The following COL25A1 variants were observed in gnomAD, a reference collection of about 807,000 sequenced individuals.
The protein encoded by COL25A1 is collagen alpha-1(XXV) chain.
COL25A1 carries 103 observed loss-of-function variants against 128.4 expected under a neutral mutation model. The ratio of observed to expected loss-of-function variants is 0.80; its 90% confidence interval spans 0.68 to 0.94. COL25A1 has a LOEUF of 0.94. Ranked by LOEUF, COL25A1 falls within the 40% of genes least tolerant of loss-of-function variation. The pLI is 0.00. For synonymous variants in COL25A1, 279 were observed against 277.2 expected, an observed-to-expected ratio of 1.01 and a Z score of -0.06; for missense variants, 745 against 840.0, an observed-to-expected ratio of 0.89 and a Z score of 1.40.
At chr4:108,862,329 G>A (rs184141958) in intron 22 of COL25A1, among the ~76,000 whole-genome samples, 172 bp downstream of exon 22, 1 of 152,276 alleles carries the variant, frequency 6.6e-6, no homozygotes, top group African/African-American at 2.4e-5. Context: ...CAAACGTATT[G>A]TTTTGAGATA....
intron 3 of COL25A1, among the ~76,000 whole-genome samples, chr4:109,123,787 T>C (rs1242605062): frequency 2.0e-5 from 3 of 152,118 alleles, no homozygotes; most frequent in Non-Finnish European, 2.9e-5. Flanking sequence ...CTGTTGGACA[T>C]AGGCCTCGGT....
Position 108,896,649 on chromosome 4 carries a change from T to C in COL25A1, c.906+18A>G, listed in dbSNP as rs899499889. ...TCTTGCTCACATATGTACCCTTTCA[T>C]GTCTTACAAAACTGTACCTTTTCGC... is the stretch of plus-strand genomic sequence containing the variant. On this transcript the variant is annotated intron_variant, in intron 16 of 37. Transcript: ENST00000399132. 8 of 1,612,482 alleles carry C rather than the reference T, an allele frequency of 5.0e-6. No individual in the cohort carries two copies. In the African/African-American group the frequency reaches 5.3e-5, roughly 11 times the overall value.
At position 109,295,907 on chromosome 4, in the gene COL25A1, C is replaced by CT. The variant is rs560298838; in HGVS notation, c.367+4675dup. ...AGACCTCAGAAGTTACCTAGTGTAT[C>CT]TTTTTTATCTCTAGTTAAACTCTCC... On this transcript the variant is annotated intron_variant, in intron 3 of 37. Transcript: ENST00000399132. 2.1e-3 allele frequency among the ~76,000 whole-genome samples: 317 copies of CT among 152,096 alleles called. 2 individuals are homozygous for CT. Among genetic ancestry groups the CT allele is most frequent in the South Asian group, 9.8e-3 (47 of 4,820 alleles).
chr4:109,019,349 TACAC>T (rs758326280), intron 5 of COL25A1, among the ~76,000 whole-genome samples: 46 of 54,154 alleles, frequency 8.5e-4, no homozygotes, highest in Admixed American at 1.3e-3. Flanking sequence ...TACACACACA[TACAC>T]ACACACACAC....
chr4:109,087,123 G>A (rs964183226), intron 3 of COL25A1, among the ~76,000 whole-genome samples: 1 of 152,074 alleles, frequency 6.6e-6, no homozygotes, highest in Non-Finnish European at 1.5e-5. Context: ...ATGACAAAAT[G>A]TTCCAAGAAG....
intron 11 of COL25A1, among the ~76,000 whole-genome samples, chr4:108,923,360 T>G (rs1170473729): frequency 1.3e-5 from 2 of 152,160 alleles, no homozygotes; most frequent in African/African-American, 2.4e-5. Context: ...TTGGTTTCTC[T>G]TTTGAGACAG....
intron 5 of COL25A1, among the ~76,000 whole-genome samples, chr4:109,021,457 G>A (rs987518555): frequency 6.6e-6 from 1 of 152,124 alleles, no homozygotes; most frequent in Admixed American, 6.5e-5. Context: ...TCTTAATCCT[G>A]TTATCTCTGT....
At chr4:109,148,471 T>C (rs1029072904) in intron 3 of COL25A1, among the ~76,000 whole-genome samples, 1 of 152,168 alleles carries the variant, frequency 6.6e-6, no homozygotes, top group Non-Finnish European at 1.5e-5. Flanking sequence ...TCCCACCAGG[T>C]ACCCAAATTA....
At chr4:108,916,691 C>T (rs1453331018) in intron 13 of COL25A1, among the ~76,000 whole-genome samples, 3 of 152,256 alleles carry the variant, frequency 2.0e-5, no homozygotes, top group Admixed American at 2.0e-4. Context: ...AATGAATACA[C>T]TTTTAAATTT....
chr4:109,172,529 T>C (rs35719907), intron 3 of COL25A1, among the ~76,000 whole-genome samples: 12,686 of 151,988 alleles, frequency 0.083, 910 homozygotes, highest in East Asian at 0.24. Flanking sequence ...GTGTCCTGCC[T>C]GTAGGACGAT....
At chr4:109,219,602 C>T (rs528479364) in intron 3 of COL25A1, among the ~76,000 whole-genome samples, 6 of 152,046 alleles carry the variant, frequency 3.9e-5, no homozygotes, top group Non-Finnish European at 8.8e-5. Context: ...TTTGTTTTAA[C>T]CTCTCCTATA....
At chr4:108,959,649 T>C (rs1051571847) in intron 8 of COL25A1, among the ~76,000 whole-genome samples, 4 of 152,194 alleles carry the variant, frequency 2.6e-5, no homozygotes, top group African/African-American at 9.6e-5. Context: ...AATATACAAT[T>C]CTGGGTAGAT....
intron 33 of COL25A1, among the ~76,000 whole-genome samples, chr4:108,825,857 C>T (rs1732309103): frequency 6.6e-6 from 1 of 152,086 alleles, no homozygotes; most frequent in Non-Finnish European, 1.5e-5. Flanking sequence ...AATGAATAAT[C>T]CCCAAATTTT....
At chr4:109,086,849 A>T (rs1208153034) in intron 3 of COL25A1, among the ~76,000 whole-genome samples, 1 of 152,212 alleles carries the variant, frequency 6.6e-6, no homozygotes, top group East Asian at 1.9e-4. Flanking sequence ...TACAGGAGTT[A>T]GTTGAATATC....
chr4:109,022,038 C>T (rs1393084906), intron 5 of COL25A1: 1 of 388,764 alleles, frequency 2.6e-6, no homozygotes, highest in Non-Finnish European at 5.1e-6. Flanking sequence ...AACATGTGAT[C>T]TTCACTCTGC....
At position 109,156,662 on chromosome 4, in the gene COL25A1, T is replaced by C. The variant is rs1454671604; in HGVS notation, c.368-106483A>G. 1.3e-5 allele frequency among the ~76,000 whole-genome samples: 2 copies of C among 152,202 alleles called. 1 individual carries two copies. The highest frequency in any genetic ancestry group is 4.8e-5 in the African/African-American group (2 of 41,544). On this transcript the variant is annotated intron_variant, in intron 3 of 37. Transcript: ENST00000399132. ...TTGAAGATATAAGGGGGAAAGAGTA[T>C]GGGAAAAAGGATAATTTAGGATTTC...
At chr4:108,848,736 T>C (rs771032467) in intron 27 of COL25A1, 23 bp downstream of exon 27, 8 of 1,489,270 alleles carry the variant, frequency 5.4e-6, no homozygotes, top group African/African-American at 2.7e-5. Flanking sequence ...CTTTAAATAA[T>C]AGTATACATC....
intron 3 of COL25A1, among the ~76,000 whole-genome samples, chr4:109,109,363 T>C (rs1018370726): frequency 6.6e-6 from 1 of 152,164 alleles, no homozygotes; most frequent in African/African-American, 2.4e-5. Context: ...TTCTGGAGAA[T>C]ATATATTTCC....
rs531965299 is a variant in COL25A1, at chr4:108,866,716, G to A, written c.1083+2372C>T. ...GGAAGAATGGTGTTCAGCTGAAAGA[G>A]ATTTTTAAAATAACCATGACTTTCC... On this transcript the variant is annotated intron_variant, in intron 20 of 37. Coordinates refer to ENST00000399132, the MANE Select transcript of COL25A1 (RefSeq NM_198721.4). Among the ~76,000 whole-genome samples, 27 of 152,310 alleles carry A rather than the reference G, an allele frequency of 1.8e-4. No individual in the cohort carries two copies. In the South Asian group the frequency reaches 5.6e-3, roughly 32 times the overall value.
Sources: gnomAD v4.1 joint callset for allele counts (sites outside exome capture counted in the v4.1 genomes callset) on GRCh38, gnomAD v4.1.1 for gene constraint, MANE v1.5 for transcripts, NCBI Gene and HGNC (gene_info 2026-07-23, HGNC 2026-07-21) for gene names.